Variants in CPA6 observed in about 807,000 individuals in gnomAD.
CPA6 encodes the protein carboxypeptidase B.
In CPA6, 58 loss-of-function variants were observed where a neutral mutation model predicts 63.3. The observed-to-expected ratio is 0.92, with a 90% confidence interval of 0.74 to 1.14. The LOEUF (loss-of-function observed/expected upper bound fraction) is 1.14. CPA6 is among the 50% of genes most tolerant of loss of function. The pLI, the probability that CPA6 is intolerant of heterozygous loss-of-function variation, is 0.00. For missense variants in CPA6, 565 were observed against 526.6 expected (o/e 1.07, Z -0.71); for synonymous variants, 185 against 179.0 (o/e 1.03, Z -0.27).
intron 1 of CPA6, among the ~76,000 whole-genome samples, chr8:67,668,415 T>C (rs1816276670): frequency 6.6e-6 from 1 of 152,234 alleles, no homozygotes; most frequent in South Asian, 2.1e-4. Flanking sequence ...ACTGCTTTGC[T>C]AGTGTGAAAT....
chr8:67,461,629 T>C (rs1410574342), intron 8 of CPA6, among the ~76,000 whole-genome samples: 1 of 151,882 alleles, frequency 6.6e-6, no homozygotes, highest in Non-Finnish European at 1.5e-5. Context: ...CACTTCCCAG[T>C]AGGGGCGGCC....
chr8:67,597,181 T>C (rs943090523), intron 2 of CPA6, among the ~76,000 whole-genome samples: 10 of 152,062 alleles, frequency 6.6e-5, no homozygotes, highest in Admixed American at 6.6e-4. Context: ...TGTCTTTCCA[T>C]TGTATCCTCT....
intron 1 of CPA6, among the ~76,000 whole-genome samples, chr8:67,693,269 T>C (rs1230795613): frequency 1.3e-5 from 2 of 152,340 alleles, no homozygotes; most frequent in East Asian, 3.9e-4. Context: ...GTTCTCCTCA[T>C]GTAAATGTCT....
intron 2 of CPA6, among the ~76,000 whole-genome samples, chr8:67,575,124 C>G (rs74909059): frequency 0.068 from 10,370 of 152,112 alleles, 639 homozygotes; most frequent in African/African-American, 0.16. Flanking sequence ...CTAACAAATA[C>G]ATGAAAAAAA....
At chr8:67,635,957 A>G (rs1815459234) in intron 1 of CPA6, among the ~76,000 whole-genome samples, 1 of 151,370 alleles carries the variant, frequency 6.6e-6, no homozygotes, top group Non-Finnish European at 1.5e-5. Flanking sequence ...TGCTCCTCCA[A>G]ATCTATTTTC....
At chr8:67,575,687 T>C (rs879472336) in intron 2 of CPA6, among the ~76,000 whole-genome samples, 1 of 152,038 alleles carries the variant, frequency 6.6e-6, no homozygotes, top group Non-Finnish European at 1.5e-5. Flanking sequence ...TGAAACCCTG[T>C]CACTACTAAA....
Position 67,684,826 on chromosome 8 carries a change from A to T in CPA6, c.117-60575T>A, listed in dbSNP as rs77937279. ...CCTTCCACATCCGATCAGTCTTCTT[A>T]TTCTCTATCATCCCCTAGGTGAGGT... is the stretch of plus-strand genomic sequence containing the variant. On this transcript the variant is annotated intron_variant, in intron 1 of 10. Coordinates refer to ENST00000297770, the MANE Select transcript of CPA6 (RefSeq NM_020361.5). Among the ~76,000 whole-genome samples the T allele has an allele frequency of 5.5e-3, 839 of 152,242 alleles. 6 individuals are homozygous for T. The highest frequency in any genetic ancestry group is 0.019 in the African/African-American group (798 of 41,526).
At chr8:67,499,256 C>T (rs12114222) in intron 6 of CPA6, among the ~76,000 whole-genome samples, 1 of 152,056 alleles carries the variant, frequency 6.6e-6, no homozygotes, top group East Asian at 1.9e-4. Flanking sequence ...CCAGAGCCCC[C>T]CTTGATACTT....
chr8:67,662,446 G>A (rs995697481), intron 1 of CPA6, among the ~76,000 whole-genome samples: 3 of 148,374 alleles, frequency 2.0e-5, no homozygotes, highest in African/African-American at 7.4e-5. Context: ...ACACGTATAT[G>A]TATATATAGA....
intron 1 of CPA6, among the ~76,000 whole-genome samples, chr8:67,658,776 T>TAA (rs1816045923): frequency 6.6e-6 from 1 of 152,176 alleles, no homozygotes; most frequent in Admixed American, 6.6e-5. Context: ...AGTGAGGTCC[T>TAA]GTCTTTGAAA....
intron 8 of CPA6, among the ~76,000 whole-genome samples, chr8:67,450,082 C>A (rs955300412): frequency 6.6e-6 from 1 of 152,026 alleles, no homozygotes; most frequent in African/African-American, 2.4e-5. Flanking sequence ...TCCCAAAGTG[C>A]TGGGATTACA....
At chr8:67,730,999 A>G (rs1415607353) in intron 1 of CPA6, among the ~76,000 whole-genome samples, 1 of 152,262 alleles carries the variant, frequency 6.6e-6, no homozygotes. Context: ...CTGCTATTAC[A>G]GAAATGAGAC....
chr8:67,502,671 G>A (rs1811851917), intron 6 of CPA6, among the ~76,000 whole-genome samples: 1 of 152,092 alleles, frequency 6.6e-6, no homozygotes, highest in South Asian at 2.1e-4. Flanking sequence ...ATTTTGATAT[G>A]TTGTATTTTC....
intron 2 of CPA6, among the ~76,000 whole-genome samples, chr8:67,603,955 T>A (rs1814561719): frequency 6.6e-6 from 1 of 152,222 alleles, no homozygotes; most frequent in East Asian, 1.9e-4. Context: ...ATATGAGGCA[T>A]GAAAGGCAGA....
intron 1 of CPA6, among the ~76,000 whole-genome samples, chr8:67,661,416 GA>G (rs924981382): frequency 2.0e-5 from 3 of 152,298 alleles, no homozygotes; most frequent in African/African-American, 7.2e-5. Flanking sequence ...AGGGACCGAG[GA>G]AGCCGCTGTG....
Position 67,555,377 on chromosome 8 carries a change from C to T in CPA6, c.193-37330G>A, listed in dbSNP as rs1264319386. On this transcript the variant is annotated intron_variant, in intron 2 of 10. Coordinates refer to ENST00000297770, the MANE Select transcript of CPA6 (RefSeq NM_020361.5). The stretch of plus-strand genomic sequence containing the variant: ...TCACGTCTACATAATGAAACCTTTA[C>T]AAAGACCCCTAAATGATGGTGTGTG... 3.3e-5 allele frequency among the ~76,000 whole-genome samples: 5 copies of T among 152,146 alleles called. No individual in the cohort carries two copies. In the East Asian group the frequency reaches 9.7e-4, roughly 29 times the overall value.
At chr8:67,709,936 C>A (rs908232137) in intron 1 of CPA6, among the ~76,000 whole-genome samples, 1 of 151,872 alleles carries the variant, frequency 6.6e-6, no homozygotes, top group Non-Finnish European at 1.5e-5. Context: ...CATGGTGAAA[C>A]CCCGTCTCTA....
intron 1 of CPA6, among the ~76,000 whole-genome samples, chr8:67,710,408 C>CT (rs1554537233): frequency 6.7e-6 from 1 of 149,304 alleles, no homozygotes; most frequent in East Asian, 2.0e-4. Flanking sequence ...CCCCCACCCC[C>CT]CCCCAACCCC....
intron 4 of CPA6, among the ~76,000 whole-genome samples, chr8:67,510,064 A>G (rs1812012028): frequency 6.6e-6 from 1 of 152,198 alleles, no homozygotes; most frequent in African/African-American, 2.4e-5. Flanking sequence ...TGCCACTGAA[A>G]GAAAATGCTA....
Sources: allele counts gnomAD v4.1 joint callset (sites outside exome capture counted in the v4.1 genomes callset), GRCh38; gene constraint gnomAD v4.1.1; transcripts MANE v1.5; gene names NCBI Gene and HGNC (gene_info 2026-07-23, HGNC 2026-07-21).